DPP10: variants seen among roughly 807,000 people sequenced by gnomAD.
DPP10 encodes dipeptidyl peptidase like 10.
Under a neutral mutation model 120.9 loss-of-function variants are expected in DPP10, and 33 were observed. The ratio of observed to expected loss-of-function variants is 0.27; its 90% CI spans 0.21 to 0.37. The LOEUF (loss-of-function observed/expected upper bound fraction) is 0.37. Among genes scored for constraint, DPP10 ranks in the 10% least tolerant of loss-of-function variants. The probability of loss-of-function intolerance (pLI) is 1.00; values close to 1 mark genes in which losing one functional copy is unlikely to be tolerated. For synonymous variants in DPP10, 337 were observed against 326.1 expected (o/e 1.03, Z -0.36); for missense variants, 816 against 942.8 (o/e 0.87, Z 1.76).
intron 3 of DPP10, among the ~76,000 whole-genome samples, chr2:115,479,718 T>C (rs751035354): frequency 2.0e-5 from 3 of 152,146 alleles, no homozygotes; most frequent in Middle Eastern, 3.2e-3. Flanking sequence ...TCAAATTTGC[T>C]CCAGCTTTAT....
At chr2:115,768,674 A>G (rs935126854) in intron 13 of DPP10, among the ~76,000 whole-genome samples, 1 of 152,286 alleles carries the variant, frequency 6.6e-6, no homozygotes, top group South Asian at 2.1e-4. Flanking sequence ...TAATAAATTA[A>G]AAGCACCCAA....
At chr2:114,469,427 T>TA (rs902536084) in intron 1 of DPP10, among the ~76,000 whole-genome samples, 4 of 152,288 alleles carry the variant, frequency 2.6e-5, no homozygotes, top group Admixed American at 6.5e-5. Context: ...CAGAAGTTTT[T>TA]AAAAAATATA....
intron 1 of DPP10, among the ~76,000 whole-genome samples, chr2:114,547,215 T>C (rs763412836): frequency 1.3e-5 from 2 of 152,218 alleles, no homozygotes; most frequent in Non-Finnish European, 2.9e-5. Flanking sequence ...AATGGGACGC[T>C]GGAGCAAGCC....
In DPP10 at chr2:115,466,838, TTAA is replaced by T. The variant is rs1439724151; in HGVS notation, c.272-32666_272-32664del. ...TGTTTACTCACAGGTAAAATGGTGGTTAATAATATCTTCCTGGAAGAGTTGTGA... is the reference window on the plus strand; with the variant it reads ...TGTTTACTCACAGGTAAAATGGTGGTTAATATCTTCCTGGAAGAGTTGTGA... On this transcript the variant is annotated intron_variant, in intron 3 of 25. Coordinates refer to ENST00000410059, the MANE Select transcript of DPP10 (RefSeq NM_020868.6). 7.2e-5 allele frequency among the ~76,000 whole-genome samples: 11 copies of T among 152,108 alleles called. No homozygotes were observed. The East Asian group carries it at 2.1e-3, about 29-fold the overall frequency.
At chr2:115,823,286 A>C (rs1425008200) in intron 21 of DPP10, among the ~76,000 whole-genome samples, 1 of 152,134 alleles carries the variant, frequency 6.6e-6, no homozygotes, top group Non-Finnish European at 1.5e-5. Context: ...ACACAAACCA[A>C]GTGTGGACTT....
At chr2:115,423,600 C>T (rs1356253085) in intron 3 of DPP10, among the ~76,000 whole-genome samples, 1 of 151,916 alleles carries the variant, frequency 6.6e-6, no homozygotes, top group African/African-American at 2.4e-5. Context: ...GCAGAGGAAA[C>T]TAAGAAAAAG....
At chr2:115,656,052 A>T (rs1425920565) in intron 5 of DPP10, among the ~76,000 whole-genome samples, 1 of 151,466 alleles carries the variant, frequency 6.6e-6, no homozygotes, top group Non-Finnish European at 1.5e-5. Context: ...CTGATGTGTA[A>T]CATAGTATCT....
intron 1 of DPP10, among the ~76,000 whole-genome samples, chr2:114,764,009 T>A (rs1251140722): frequency 6.6e-6 from 1 of 152,146 alleles, no homozygotes; most frequent in Non-Finnish European, 1.5e-5. Context: ...AATTTTTAAA[T>A]TTGGGACACT....
rs1017053668 is a variant in DPP10, at chr2:114,879,118, A to T, written c.61-430121A>T. Among the ~76,000 whole-genome samples, 4 of 150,858 alleles carry T rather than the reference A, an allele frequency of 2.7e-5. No individual in the cohort carries two copies. In the East Asian group the frequency reaches 7.8e-4, roughly 29 times the overall value. On this transcript the variant is annotated intron_variant, in intron 1 of 25. Transcript: ENST00000410059. The stretch of plus-strand genomic sequence containing the variant: ...TGAAAGAAGATTCAAATAGTAGATG[A>T]CTTCACAGGTAAATTCTTTTTTTTT...
intron 1 of DPP10, among the ~76,000 whole-genome samples, chr2:114,868,224 C>T (rs1374091558): frequency 6.6e-6 from 1 of 152,128 alleles, no homozygotes; most frequent in Non-Finnish European, 1.5e-5. Flanking sequence ...AGGCTGAATC[C>T]TTGATTAGGC....
intron 1 of DPP10, among the ~76,000 whole-genome samples, chr2:115,103,433 C>A (rs1440317319): frequency 6.6e-6 from 1 of 152,158 alleles, no homozygotes; most frequent in Non-Finnish European, 1.5e-5. Context: ...CGGGATCCGC[C>A]TGCCTCAGCC....
intron 1 of DPP10, among the ~76,000 whole-genome samples, chr2:114,576,371 C>T (rs1041237025): frequency 2.6e-5 from 4 of 152,150 alleles, no homozygotes; most frequent in East Asian, 1.9e-4. Flanking sequence ...AGGAGGGAAT[C>T]GTAGTACTGG....
At chr2:114,778,208 T>G (rs1210349188) in intron 1 of DPP10, among the ~76,000 whole-genome samples, 1 of 152,098 alleles carries the variant, frequency 6.6e-6, no homozygotes, top group East Asian at 1.9e-4. Context: ...GGATGACACT[T>G]ACAGATAGAC....
intron 1 of DPP10, among the ~76,000 whole-genome samples, chr2:115,284,084 C>G (rs1392401558): frequency 6.6e-6 from 1 of 151,848 alleles, no homozygotes; most frequent in Non-Finnish European, 1.5e-5. Context: ...TGATCATTTC[C>G]CAGTTACAAA....
intron 1 of DPP10, among the ~76,000 whole-genome samples, chr2:115,105,422 T>TGAGA (rs10565038): frequency 0.013 from 1,879 of 146,204 alleles, 17 homozygotes; most frequent in East Asian, 0.019. Context: ...TGTCACATGG[T>TGAGA]GAGAGAGAGA....
At chr2:115,007,262 G>C (rs11692614) in intron 1 of DPP10, among the ~76,000 whole-genome samples, 37,150 of 152,082 alleles carry the variant, frequency 0.24, 4,990 homozygotes, top group East Asian at 0.34. Flanking sequence ...ATGCAAGCCT[G>C]GTTCAATATA....
chr2:115,000,832 A>G (rs1006819148), intron 1 of DPP10, among the ~76,000 whole-genome samples: 3 of 152,204 alleles, frequency 2.0e-5, no homozygotes, highest in Admixed American at 6.5e-5. Context: ...GCTTGAAAAT[A>G]TCTAAATTTC....
intron 1 of DPP10, among the ~76,000 whole-genome samples, chr2:114,729,297 AC>A (rs757309384): frequency 6.6e-6 from 1 of 152,238 alleles, no homozygotes; most frequent in Non-Finnish European, 1.5e-5. Flanking sequence ...CTCCAGGGAA[AC>A]CTGGAGACAG....
At chr2:115,654,692 A>C (rs890580667) in intron 5 of DPP10, among the ~76,000 whole-genome samples, 1 of 151,860 alleles carries the variant, frequency 6.6e-6, no homozygotes, top group Non-Finnish European at 1.5e-5. Flanking sequence ...TTTTTAAATG[A>C]ATTTCTTATA....
Sources: gnomAD v4.1 joint callset for allele counts (sites outside exome capture counted in the v4.1 genomes callset) on GRCh38, gnomAD v4.1.1 for gene constraint, MANE v1.5 for transcripts, NCBI Gene and HGNC (gene_info 2026-07-23, HGNC 2026-07-21) for gene names.